IFFO2: variants seen among roughly 807,000 people sequenced by gnomAD.
IFFO2 encodes intermediate filament family orphan 2.
In IFFO2, 19 loss-of-function variants were observed where a neutral mutation model predicts 53.5. That is an observed-to-expected ratio of 0.36 (90% CI 0.25 to 0.52). IFFO2 has a LOEUF of 0.52. IFFO2 is among the 20% of genes least tolerant of loss of function. The pLI is 0.94. For synonymous variants in IFFO2, 303 were observed against 313.6 expected (o/e 0.97, Z 0.36); for missense variants, 570 against 727.4 (o/e 0.78, Z 2.49).
intron 1 of IFFO2, among the ~76,000 whole-genome samples, chr1:18,953,193 G>A (rs11484749): frequency 0.42 from 63,190 of 152,070 alleles, 13,917 homozygotes; most frequent in South Asian, 0.55. Flanking sequence ...TCCCTTAGAC[G>A]GTGACTTCTC....
intron 1 of IFFO2, among the ~76,000 whole-genome samples, chr1:18,933,493 G>T (rs182973590): frequency 6.6e-6 from 1 of 152,326 alleles, no homozygotes; most frequent in East Asian, 1.9e-4. Flanking sequence ...ACACATAACA[G>T]GCCAGGCACG....
chr1:18,910,208 T>G, intron 8 of IFFO2, 134 bp downstream of exon 8: 1 of 1,001,554 alleles, frequency 1.0e-6, no homozygotes, highest in Non-Finnish European at 1.5e-6. Context: ...GATGGATGGA[T>G]GGATGGACGG....
intron 1 of IFFO2, among the ~76,000 whole-genome samples, chr1:18,931,656 C>G (rs190025634): frequency 6.6e-5 from 10 of 152,280 alleles, no homozygotes; most frequent in Admixed American, 5.9e-4. Flanking sequence ...GCTAATCATT[C>G]GACACCCACC....
intron 1 of IFFO2, among the ~76,000 whole-genome samples, chr1:18,929,445 G>A (rs1936343523): frequency 6.6e-6 from 1 of 152,242 alleles, no homozygotes; most frequent in Admixed American, 6.5e-5. Flanking sequence ...AGGAGCAACT[G>A]AGAGAGGCAG....
chr1:18,913,156 T>A (rs540654027), intron 5 of IFFO2, among the ~76,000 whole-genome samples: 2 of 152,202 alleles, frequency 1.3e-5, no homozygotes, highest in African/African-American at 4.8e-5. Context: ...ATGGACTGGG[T>A]TGGGGACTGG....
intron 1 of IFFO2, among the ~76,000 whole-genome samples, chr1:18,935,112 G>A (rs1390831222): frequency 6.6e-6 from 1 of 152,176 alleles, no homozygotes; most frequent in Non-Finnish European, 1.5e-5. Context: ...GCAGGGTCCT[G>A]GGCCCTTACT....
intron 1 of IFFO2, among the ~76,000 whole-genome samples, chr1:18,934,753 C>A (rs1015399593): frequency 6.6e-6 from 1 of 152,118 alleles, no homozygotes; most frequent in Non-Finnish European, 1.5e-5. Context: ...CAACGGGATG[C>A]GACCATATGT....
At chr1:18,935,945 G>A (rs1260837833) in intron 1 of IFFO2, among the ~76,000 whole-genome samples, 3 of 145,122 alleles carry the variant, frequency 2.1e-5, no homozygotes, top group Non-Finnish European at 1.5e-5. Context: ...GGGCTGAAGC[G>A]ATCCTCTCGC....
At chr1:18,948,707 G>C (rs1297174908) in intron 1 of IFFO2, among the ~76,000 whole-genome samples, 1 of 152,196 alleles carries the variant, frequency 6.6e-6, no homozygotes, top group Non-Finnish European at 1.5e-5. Context: ...AATGCTCAAA[G>C]GGCTGTGCAA....
chr1:18,952,193 A>C (rs552679102), intron 1 of IFFO2, among the ~76,000 whole-genome samples: 1 of 152,330 alleles, frequency 6.6e-6, no homozygotes, highest in East Asian at 1.9e-4. Context: ...GGGTGGTGAC[A>C]GAGTAGAGAT....
At chr1:18,935,864 A>ATT (rs757253270) in intron 1 of IFFO2, among the ~76,000 whole-genome samples, 2,131 of 95,290 alleles carry the variant, frequency 0.022, 3 homozygotes, top group African/African-American at 0.028. Flanking sequence ...TAATTTTTCT[A>ATT]TTTTTTTTTT....
At chr1:18,911,156 T>C (rs1936030661) in intron 7 of IFFO2, among the ~76,000 whole-genome samples, 1 of 152,262 alleles carries the variant, frequency 6.6e-6, no homozygotes, top group African/African-American at 2.4e-5. Flanking sequence ...ACATATATTC[T>C]TTCTAATTCT....
chr1:18,952,903 C>T (rs55948963), intron 1 of IFFO2, among the ~76,000 whole-genome samples: 1 of 152,200 alleles, frequency 6.6e-6, no homozygotes, highest in Non-Finnish European at 1.5e-5. Flanking sequence ...ATAGCACAGG[C>T]GGTAGTACAT....
Position 18,919,754 on chromosome 1 carries a change from G to A in IFFO2, c.746C>T (p.Ala249Val). Reference sequence around the variant, plus strand: ...CTTCTCATTCATCTCCTCCTGGATGGCATCAGCCTCCTGTGCTGCCTGCGG... The same window carrying A: ...CTTCTCATTCATCTCCTCCTGGATGACATCAGCCTCCTGTGCTGCCTGCGG... ...TLQEAAQEAD[A>V]IQEEMNEKIE... Residue 249 changes from alanine to valine, a missense_variant, in exon 3 of 9, where the codon GCC (alanine) becomes GTC (valine). Physicochemically the swap from Ala to Val is moderately conservative, Grantham distance 64. Transcript: ENST00000455833. The surrounding 1 kb of genome is among the most constrained non-coding windows in gnomAD (Gnocchi z 4.9). 2 of 1,551,478 alleles carry A rather than the reference G, an allele frequency of 1.3e-6. No homozygotes were observed. Among genetic ancestry groups the A allele is most frequent in the South Asian group, 1.2e-5 (1 of 84,060 alleles).
chr1:18,956,312 G>T lies in IFFO2; in HGVS notation c.21C>A (p.Phe7Leu). ...AGCCGAAGGCCAAGGCCATCTCCCCGAACAGCAGCGAGTTCACCATGCGCC... is the reference window on the plus strand; with the variant it reads ...AGCCGAAGGCCAAGGCCATCTCCCCTAACAGCAGCGAGTTCACCATGCGCC... MVNSLLFGEMALAFGCP... is the reference protein window; with the variant it reads MVNSLLLGEMALAFGCP... The change falls in exon 1 of 9, where the codon TTC (phenylalanine) becomes TTA (leucine). Residue 7 changes from phenylalanine (F) to leucine (L), a missense_variant. By Grantham distance (22) the Phe-to-Leu change is conservative. Transcript: ENST00000455833. This position sits in a 1 kb window ranked among gnomAD's most constrained non-coding sequence, Gnocchi z 6.4. 2 of 438,214 alleles carry T rather than the reference G, an allele frequency of 4.6e-6. No individual in the cohort carries two copies. The highest frequency in any genetic ancestry group is 6.6e-6 in the Non-Finnish European group (2 of 301,954). The allele number at this position is 438,214 out of a possible 1,614,324, so 27.1% of individuals were successfully genotyped here. A position where few individuals can be genotyped will look rare whatever the true frequency, so the allele number is the denominator to read the frequency against.
In IFFO2 at chr1:18,906,572, C is replaced by T. The variant is rs1200956705; in HGVS notation, c.*1989G>A. ...TCTTTTTAGCAGCTGAGGTCCAAGCCCAACTGGCTCTGATAACCTTTGGTT... is the reference window on the plus strand; with the variant it reads ...TCTTTTTAGCAGCTGAGGTCCAAGCTCAACTGGCTCTGATAACCTTTGGTT... On this transcript the variant is annotated 3_prime_UTR_variant, in exon 9 of 9. Coordinates refer to ENST00000455833, the MANE Select transcript of IFFO2 (RefSeq NM_001136265.2). 6.6e-6 allele frequency: 1 copy of T among 152,226 alleles called. No homozygotes were observed. Among genetic ancestry groups the T allele is most frequent in the Non-Finnish European group, 1.5e-5 (1 of 68,054 alleles). 9.4% of individuals were successfully genotyped at this position (152,226 alleles called of 1,614,324 possible). A position where few individuals can be genotyped will look rare whatever the true frequency, so the allele number is the denominator to read the frequency against.
chr1:18,908,805 C>G, intron 8 of IFFO2, 139 bp from the exon 9 acceptor site: 1 of 660,860 alleles, frequency 1.5e-6, no homozygotes, highest in Non-Finnish European at 2.7e-6. Flanking sequence ...CCTCACTCAG[C>G]TATCCTTAAG....
intron 1 of IFFO2, among the ~76,000 whole-genome samples, chr1:18,939,076 C>T (rs2148184275): frequency 6.6e-6 from 1 of 152,326 alleles, no homozygotes; most frequent in East Asian, 1.9e-4. Flanking sequence ...GGTGAGGGGC[C>T]TCCCTGGCAC....
intron 1 of IFFO2, among the ~76,000 whole-genome samples, chr1:18,930,653 C>A (rs1318920164): frequency 1.3e-5 from 2 of 152,220 alleles, no homozygotes; most frequent in African/African-American, 4.8e-5. Context: ...GAGAGCCCAG[C>A]TGGTCTCATG....
Sources: gnomAD v4.1 joint callset for allele counts (sites outside exome capture counted in the v4.1 genomes callset) on GRCh38, gnomAD v4.1.1 for gene constraint, Gnocchi (gnomAD v3.1) non-coding constraint, MANE v1.5 for transcripts, NCBI Gene and HGNC (gene_info 2026-07-23, HGNC 2026-07-21) for gene names.